THSD4: variants seen among roughly 807,000 people sequenced by gnomAD.
THSD4 encodes the protein thrombospondin type 1 domain containing 4.
THSD4 carries 69 observed loss-of-function variants against 119.0 expected under a neutral mutation model. The ratio of observed to expected loss-of-function variants is 0.58; its 90% confidence interval spans 0.48 to 0.71. The LOEUF is 0.71. Among genes scored for constraint, THSD4 ranks in the 30% least tolerant of loss-of-function variants. The pLI is 0.00. For synonymous variants in THSD4, 524 were observed against 540.4 expected (o/e 0.97, Z 0.42); for missense variants, 1,393 against 1,391.1 (o/e 1.00, Z -0.02).
intron 7 of THSD4, among the ~76,000 whole-genome samples, chr15:71,565,770 G>T (rs2140889484): frequency 6.6e-6 from 1 of 152,206 alleles, no homozygotes. Flanking sequence ...TGAAACCACA[G>T]GACATAAATT....
chr15:71,658,439 G>A, intron 7 of THSD4, among the ~76,000 whole-genome samples: 1 of 152,190 alleles, frequency 6.6e-6, no homozygotes, highest in Non-Finnish European at 1.5e-5. Flanking sequence ...GGGAGGGAGT[G>A]TGAGATGTCA....
upstream of THSD4, among the ~76,000 whole-genome samples, chr15:71,114,371 C>G (rs575627366): frequency 6.6e-6 from 1 of 152,272 alleles, no homozygotes; most frequent in East Asian, 1.9e-4. Flanking sequence ...TATACCTGCA[C>G]TTTCAAAACA....
At chr15:71,708,382 G>A (rs532072999) in intron 8 of THSD4, among the ~76,000 whole-genome samples, 1 of 152,186 alleles carries the variant, frequency 6.6e-6, no homozygotes, top group Admixed American at 6.5e-5. Flanking sequence ...GCCTGGCCAA[G>A]GGCTATCGGC....
At chr15:71,685,862 T>A (rs768156416) in intron 8 of THSD4, among the ~76,000 whole-genome samples, 140 of 152,214 alleles carry the variant, frequency 9.2e-4, no homozygotes, top group Non-Finnish European at 1.5e-3. Context: ...TTAGAGTTGT[T>A]ATGGAAATAG....
rs1053285320 is a variant in THSD4, at chr15:71,442,723, A to G, written c.1152+30900A>G. Among the ~76,000 whole-genome samples, 4 of 129,518 alleles carry G rather than the reference A, an allele frequency of 3.1e-5. No individual in the cohort carries two copies. In the South Asian group the frequency reaches 1.1e-3, roughly 37 times the overall value. 85.0% of individuals were successfully genotyped at this position (129,518 alleles called of 152,430 possible). ...ATATATGAAGGGAGGAGATGAAAGC[A>G]GAAGTTTCAAAACAGGACAAACAAA... is the stretch of plus-strand genomic sequence containing the variant. On this transcript the variant is annotated intron_variant, in intron 7 of 17. Transcript: ENST00000261862.
chr15:71,366,207 G>C (rs573558949), intron 6 of THSD4, among the ~76,000 whole-genome samples: 1 of 152,260 alleles, frequency 6.6e-6, no homozygotes, highest in East Asian at 1.9e-4. Flanking sequence ...CCCAGCAGCT[G>C]GGACTACAGG....
chr15:71,476,426 G>A (rs879766250), intron 7 of THSD4, among the ~76,000 whole-genome samples: 7 of 152,172 alleles, frequency 4.6e-5, no homozygotes, highest in South Asian at 2.1e-4. Flanking sequence ...ATTTTTAGTA[G>A]AGACAGGGTT....
At chr15:71,743,341 C>T (rs1184104686) in intron 11 of THSD4, among the ~76,000 whole-genome samples, 4 of 152,160 alleles carry the variant, frequency 2.6e-5, no homozygotes, top group African/African-American at 9.7e-5. Context: ...GCTTTCCTAT[C>T]CACAAACATC....
intron 3 of THSD4, among the ~76,000 whole-genome samples, chr15:71,194,179 C>T (rs2043700360): frequency 6.6e-6 from 1 of 152,174 alleles, no homozygotes; most frequent in Admixed American, 6.5e-5. Flanking sequence ...AATTCCCAGT[C>T]TCGGGTATGT....
intron 6 of THSD4, among the ~76,000 whole-genome samples, chr15:71,326,668 C>G (rs2045342376): frequency 3.4e-5 from 1 of 29,604 alleles, no homozygotes; most frequent in Non-Finnish European, 7.1e-5. Context: ...AGCAAGATTC[C>G]ATCTCAAAAA....
In THSD4 at chr15:71,215,179, C is replaced by A; in HGVS notation, c.244C>A (p.Pro82Thr). ...GATGGAGCAGACGCGGCCCTGCCTG[C>A]CCCGCTCCTACCGCCTGCGCGGCGG... Reference protein sequence around the residue: ...GVMEQTRPCLPRSYRLRGGQR... With the variant: ...GVMEQTRPCLTRSYRLRGGQR... Residue 82 changes from proline (P) to threonine (T), a missense_variant, in exon 4 of 18, where the codon CCC (proline) becomes ACC (threonine). Physicochemically the swap from Pro to Thr is conservative, Grantham distance 38 (BLOSUM62 -1). Coordinates refer to ENST00000261862, the MANE Select transcript of THSD4 (RefSeq NM_024817.3). 7.3e-7 allele frequency: 1 copy of A among 1,371,510 alleles called. No homozygotes were observed. Among genetic ancestry groups the A allele is most frequent in the Non-Finnish European group, 9.4e-7 (1 of 1,064,448 alleles). 85.0% of individuals were successfully genotyped at this position (1,371,510 alleles called of 1,614,324 possible). A position where few individuals can be genotyped will look rare whatever the true frequency, so the allele number is the denominator to read the frequency against.
intron 7 of THSD4, chr15:71,547,626 C>T (rs2048857848): frequency 1.1e-6 from 1 of 924,862 alleles, no homozygotes. Flanking sequence ...GCTTCTCTTG[C>T]CTTTTCTTAT....
chr15:71,391,281 G>A (rs1245784506), intron 6 of THSD4, among the ~76,000 whole-genome samples: 4 of 151,968 alleles, frequency 2.6e-5, no homozygotes, highest in Admixed American at 2.6e-4. Context: ...CGCCTGCCTC[G>A]GCCTCTCAAA....
chr15:71,640,085 ACTTT>A (rs2050826227), intron 7 of THSD4, among the ~76,000 whole-genome samples: 1 of 151,944 alleles, frequency 6.6e-6, no homozygotes, highest in Non-Finnish European at 1.5e-5. Context: ...TTTTTTTGCA[ACTTT>A]CTTTTTCTTT....
chr15:71,594,400 G>T (rs1335165495), intron 7 of THSD4, among the ~76,000 whole-genome samples: 1 of 152,014 alleles, frequency 6.6e-6, no homozygotes, highest in African/African-American at 2.4e-5. Flanking sequence ...GTAGAGACAG[G>T]GTTTCACCAT....
chr15:71,777,427 A>G lies in THSD4; in HGVS notation c.*53A>G. 1 of 1,568,788 alleles carries G rather than the reference A, an allele frequency of 6.4e-7. No homozygotes were observed. Among genetic ancestry groups the G allele is most frequent in the South Asian group, 1.1e-5 (1 of 87,394 alleles). ...GCATCACTGCCTTCCCGGGGGCTTCAGCAGTGCGCCTGGCTGGCTGCTGCT... is the reference window on the plus strand; with the variant it reads ...GCATCACTGCCTTCCCGGGGGCTTCGGCAGTGCGCCTGGCTGGCTGCTGCT... On this transcript the variant is annotated 3_prime_UTR_variant, in exon 18 of 18. Coordinates refer to ENST00000261862, the MANE Select transcript of THSD4 (RefSeq NM_024817.3).
intron 6 of THSD4, among the ~76,000 whole-genome samples, chr15:71,303,038 T>C (rs1366937260): frequency 6.6e-6 from 1 of 151,740 alleles, no homozygotes; most frequent in African/African-American, 2.4e-5. Flanking sequence ...CATGTATGAG[T>C]TGTGTGCATC....
intron 7 of THSD4, among the ~76,000 whole-genome samples, chr15:71,414,779 A>G (rs1203246418): frequency 6.6e-6 from 1 of 152,230 alleles, no homozygotes; most frequent in African/African-American, 2.4e-5. Flanking sequence ...AATAATTGCT[A>G]AAAGCCTGAA....
intron 7 of THSD4, among the ~76,000 whole-genome samples, chr15:71,485,176 T>C (rs2047796618): frequency 6.6e-6 from 1 of 152,202 alleles, no homozygotes; most frequent in South Asian, 2.1e-4. Context: ...TAGGCCCCAC[T>C]GGCTCCACAT....
Sources: allele counts gnomAD v4.1 joint callset (sites outside exome capture counted in the v4.1 genomes callset), GRCh38; gene constraint gnomAD v4.1.1; transcripts MANE v1.5; gene names NCBI Gene and HGNC (gene_info 2026-07-23, HGNC 2026-07-21).